The following ITGB8 variants were observed in gnomAD, a reference collection of about 807,000 sequenced individuals.
ITGB8 encodes the protein integrin subunit beta 8.
A neutral mutation model predicts 89.5 loss-of-function variants in ITGB8; 30 were observed. The ratio of observed to expected loss-of-function variants is 0.34; its 90% CI spans 0.25 to 0.45. ITGB8 has a LOEUF of 0.45. Among genes scored for constraint, ITGB8 ranks in the 20% least tolerant of loss-of-function variants. The pLI, the probability that ITGB8 is intolerant of heterozygous loss-of-function variation, is 1.00. For synonymous variants in ITGB8, 335 were observed against 320.4 expected (o/e 1.05, Z -0.49); for missense variants, 836 against 933.3 (o/e 0.90, Z 1.36).
intron 1 of ITGB8, among the ~76,000 whole-genome samples, chr7:20,343,392 C>A (rs140285697): frequency 1.5e-3 from 235 of 152,298 alleles, no homozygotes; most frequent in African/African-American, 5.3e-3. Context: ...TCCCACTCCC[C>A]CTTGAGGTGA....
At chr7:20,402,562 T>A (rs1351242247) in intron 10 of ITGB8, among the ~76,000 whole-genome samples, 1 of 152,228 alleles carries the variant, frequency 6.6e-6, no homozygotes, top group African/African-American at 2.4e-5. Context: ...TATAAGAGTA[T>A]ACTTTTCATT....
chr7:20,404,041 A>G (rs938791801), intron 10 of ITGB8, among the ~76,000 whole-genome samples: 1 of 152,220 alleles, frequency 6.6e-6, no homozygotes, highest in South Asian at 2.1e-4. Flanking sequence ...TGCTCACAGT[A>G]TAGAGGAGGA....
intron 12 of ITGB8, among the ~76,000 whole-genome samples, chr7:20,407,573 T>G (rs889525181): frequency 4.6e-5 from 7 of 151,830 alleles, no homozygotes; most frequent in Admixed American, 3.3e-4. Flanking sequence ...TTCTCCAGAG[T>G]TTTGTTTCCT....
rs1409114162 is a variant in ITGB8, at chr7:20,331,428, C to G, written c.-379C>G. The G allele has an allele frequency of 9.9e-6, 4 of 404,374 alleles. No individual in the cohort carries two copies. The highest frequency in any genetic ancestry group is 1.3e-4 in the South Asian group (1 of 7,946). 25.0% of individuals were successfully genotyped at this position (404,374 alleles called of 1,614,324 possible). A position where few individuals can be genotyped will look rare whatever the true frequency, so the allele number is the denominator to read the frequency against. The stretch of plus-strand genomic sequence containing the variant: ...TGATTGTGTTTGGCTCTTCGCTAAG[C>G]TGATTTATGCAGCAGAAGCCCCACC... On this transcript the variant is annotated 5_prime_UTR_variant, in exon 1 of 14. Transcript: ENST00000222573.
chr7:20,335,413 G>A (rs1784542142), intron 1 of ITGB8, among the ~76,000 whole-genome samples: 1 of 152,154 alleles, frequency 6.6e-6, no homozygotes, highest in Non-Finnish European at 1.5e-5. Flanking sequence ...TATATGAACA[G>A]AGAAAAACAA....
At chr7:20,360,082 C>G (rs912269507) in intron 1 of ITGB8, among the ~76,000 whole-genome samples, 1 of 152,172 alleles carries the variant, frequency 6.6e-6, no homozygotes, top group Non-Finnish European at 1.5e-5. Context: ...CAACATTTCT[C>G]TCTCTCTGGG....
chr7:20,403,343 G>C (rs1333200833), intron 10 of ITGB8, among the ~76,000 whole-genome samples: 1 of 152,194 alleles, frequency 6.6e-6, no homozygotes, highest in African/African-American at 2.4e-5. Flanking sequence ...AATCTCTCAA[G>C]AGGGTTTCAA....
chr7:20,394,183 C>T (rs1253195378), intron 7 of ITGB8, among the ~76,000 whole-genome samples: 1 of 152,220 alleles, frequency 6.6e-6, no homozygotes. Context: ...GGATAAAATG[C>T]AAGAATAAAT....
intron 1 of ITGB8, among the ~76,000 whole-genome samples, chr7:20,338,488 C>T (rs1284000305): frequency 3.3e-5 from 5 of 151,868 alleles, no homozygotes; most frequent in East Asian, 1.9e-4. Context: ...CAAAAATTAG[C>T]GGGGCATGGC....
Position 20,404,801 on chromosome 7 carries a change from G to A in ITGB8, c.1861G>A (p.Gly621Ser), listed in dbSNP as rs769670341. 3.1e-6 allele frequency: 5 copies of A among 1,614,132 alleles called. No individual in the cohort carries two copies. Among genetic ancestry groups the A allele is most frequent in the Admixed American group, 1.7e-5 (1 of 60,016 alleles). Residue 621 changes from glycine (G) to serine (S), a missense_variant, in exon 11 of 14, where the codon GGC becomes AGC. This residue lies in a region of ITGB8 where 422 missense variants were observed against 416.9 expected (regional missense o/e 1.01). Transcript: ENST00000222573. ...TGAGTGCACCGATCCCAGGAGCATCGGCCGCTTCTGTGAACACTGCCCCAC... is the reference window on the plus strand; with the variant it reads ...TGAGTGCACCGATCCCAGGAGCATCAGCCGCTTCTGTGAACACTGCCCCAC... ...RCECTDPRSI[G>S]RFCEHCPTCY...
intron 3 of ITGB8, among the ~76,000 whole-genome samples, chr7:20,372,518 ATGTCTTGAGT>A (rs1331199601): frequency 1.3e-5 from 2 of 151,938 alleles, no homozygotes; most frequent in Admixed American, 1.3e-4. Flanking sequence ...TTAAACTGGG[ATGTCTTGAGT>A]TGAGAGAGAG....
intron 1 of ITGB8, among the ~76,000 whole-genome samples, chr7:20,351,019 A>T (rs567780214): frequency 6.6e-6 from 1 of 152,338 alleles, no homozygotes; most frequent in African/African-American, 2.4e-5. Context: ...TGAAAAGGGT[A>T]CCAAAGTATT....
intron 1 of ITGB8, among the ~76,000 whole-genome samples, chr7:20,345,092 T>C (rs1784879033): frequency 6.6e-6 from 1 of 152,268 alleles, no homozygotes; most frequent in East Asian, 1.9e-4. Context: ...AGGTATGATC[T>C]TAAGTAGGAT....
chr7:20,336,224 C>G lies in ITGB8; in HGVS notation c.127+4291C>G, dbSNP rs566701265. Among the ~76,000 whole-genome samples, 4 of 152,144 alleles carry G rather than the reference C, an allele frequency of 2.6e-5. No individual in the cohort carries two copies. The South Asian group carries it at 8.3e-4, about 32-fold the overall frequency. On this transcript the variant is annotated intron_variant, in intron 1 of 13. Transcript: ENST00000222573. The stretch of plus-strand genomic sequence containing the variant: ...GTTTCACTGTGTTAGCCAGGATCGT[C>G]TTGATCTCCTGACCTCGTGATCTGC...
intron 8 of ITGB8, among the ~76,000 whole-genome samples, chr7:20,398,336 G>T (rs1429759726): frequency 3.3e-5 from 5 of 152,124 alleles, no homozygotes; most frequent in African/African-American, 1.2e-4. Flanking sequence ...CTTCAGTGTA[G>T]AAATGGCCTC....
chr7:20,339,355 T>C (rs1269799397), intron 1 of ITGB8, among the ~76,000 whole-genome samples: 1 of 152,210 alleles, frequency 6.6e-6, no homozygotes. Flanking sequence ...AAAAGGACTA[T>C]TTTTCGACTT....
rs1453388773 is a variant in ITGB8, at chr7:20,409,926, G to C, written c.2239G>C (p.Glu747Gln). ...VCTRAVTYRR[E>Q]KPEEIKMDIS... ...CACAAGAGCAGTCACCTACCGACGT[G>C]AGAAGCCTGAAGAAATAAAAATGGA... Residue 747 changes from glutamate (E) to glutamine (Q), a missense_variant, in exon 14 of 14, where the codon GAG becomes CAG. Glu to Gln is a conservative substitution (Grantham distance 29). Transcript: ENST00000222573. 1.2e-6 allele frequency: 2 copies of C among 1,613,584 alleles called. No homozygotes were observed. The highest frequency in any genetic ancestry group is 2.7e-5 in the African/African-American group (2 of 74,908).
intron 2 of ITGB8, chr7:20,365,412 AT>A (rs1162043892): frequency 8.5e-5 from 13 of 152,212 alleles, no homozygotes; most frequent in African/African-American, 3.1e-4. Context: ...TTGGATTCAA[AT>A]CCTAGTTCCA....
At chr7:20,401,285 C>A (rs543869877) in intron 9 of ITGB8, among the ~76,000 whole-genome samples, 2 of 152,252 alleles carry the variant, frequency 1.3e-5, no homozygotes, top group Admixed American at 1.3e-4. Context: ...GGCCTCATCT[C>A]AGGGTTTTAA....
Sources: gnomAD v4.1 joint callset for allele counts (sites outside exome capture counted in the v4.1 genomes callset) on GRCh38, gnomAD v4.1.1 for gene constraint, gnomAD v4.1.1 regional missense constraint, MANE v1.5 for transcripts, NCBI Gene and HGNC (gene_info 2026-07-23, HGNC 2026-07-21) for gene names.